Variants in TRHR observed in about 807,000 individuals in gnomAD.
The protein encoded by TRHR is thyrotropin-releasing hormone receptor.
A neutral mutation model predicts 28.0 loss-of-function variants in TRHR; 14 were observed. The observed-to-expected ratio is 0.50, with a 90% CI of 0.33 to 0.78. TRHR has a LOEUF of 0.78. Among genes scored for constraint, TRHR ranks in the 30% least tolerant of loss-of-function variants. The probability of loss-of-function intolerance (pLI) is 0.02; values close to 1 mark genes in which losing one functional copy is unlikely to be tolerated. For synonymous variants in TRHR, 176 were observed against 171.9 expected (o/e 1.02, Z -0.18); for missense variants, 438 against 469.5 (o/e 0.93, Z 0.62).
intron 2 of TRHR, among the ~76,000 whole-genome samples, chr8:109,106,004 G>T (rs760981854): frequency 1.2e-4 from 19 of 152,044 alleles, no homozygotes; most frequent in Non-Finnish European, 2.4e-4. Context: ...TTGCTGAAAA[G>T]ATAAATTATA....
chr8:109,091,353 AGTG>A (rs1234071819), intron 2 of TRHR, among the ~76,000 whole-genome samples: 1 of 152,246 alleles, frequency 6.6e-6, no homozygotes, highest in Non-Finnish European at 1.5e-5. Flanking sequence ...GAATGAGAAC[AGTG>A]AAGGGGAGCT....
intron 2 of TRHR, among the ~76,000 whole-genome samples, chr8:109,103,096 C>T (rs1456953701): frequency 2.0e-5 from 3 of 152,234 alleles, no homozygotes; most frequent in Middle Eastern, 6.8e-3. Context: ...CAAAAAATTC[C>T]GTCTGAAGCC....
intron 2 of TRHR, among the ~76,000 whole-genome samples, chr8:109,113,788 A>T (rs1420935479): frequency 6.6e-6 from 1 of 152,178 alleles, no homozygotes; most frequent in East Asian, 1.9e-4. Context: ...GTTAGCTAAT[A>T]GTTTTGGAAC....
At chr8:109,102,929 T>A (rs1013499416) in intron 2 of TRHR, among the ~76,000 whole-genome samples, 4 of 152,168 alleles carry the variant, frequency 2.6e-5, no homozygotes. Context: ...TCCTCAAGGT[T>A]GTTTCCTTTG....
At chr8:109,096,789 G>GTA (rs1387826758) in intron 2 of TRHR, among the ~76,000 whole-genome samples, 20 of 151,602 alleles carry the variant, frequency 1.3e-4, no homozygotes, top group Non-Finnish European at 2.4e-4. Context: ...AAATATATGT[G>GTA]TATATATATA....
At chr8:109,116,704 A>C (rs1000915485) in intron 2 of TRHR, among the ~76,000 whole-genome samples, 3 of 151,062 alleles carry the variant, frequency 2.0e-5, no homozygotes. Context: ...TTCTTCTTAG[A>C]CCTATGGTTA....
chr8:109,116,576 T>A lies in TRHR; in HGVS notation c.790-2472T>A, dbSNP rs57040703. 5.3e-5 allele frequency among the ~76,000 whole-genome samples: 8 copies of A among 152,266 alleles called. No homozygotes were observed. The East Asian group carries it at 1.4e-3, about 26-fold the overall frequency. On this transcript the variant is annotated intron_variant, in intron 2 of 2. Transcript: ENST00000518632. ...ATTTATCCATTTCTTCTAGATTTTCTAGTTTATTTGTGTAGAGGTGTTTAT... is the reference window on the plus strand; with the variant it reads ...ATTTATCCATTTCTTCTAGATTTTCAAGTTTATTTGTGTAGAGGTGTTTAT...
In TRHR at chr8:109,088,081, C is replaced by T; in HGVS notation, c.569C>T (p.Pro190Leu). The change falls in exon 2 of 3, where the codon CCT (proline) becomes CTT (leucine). Residue 190 changes from proline to leucine, a missense_variant. Physicochemically the swap from Pro to Leu is moderately conservative, Grantham distance 98. Transcript: ENST00000518632. ...AAGATCTCCAGGAATTACTACTCAC[C>T]TATTTACCTAATGGACTTTGGTGTC... is the stretch of plus-strand genomic sequence containing the variant. ...GYKISRNYYS[P>L]IYLMDFGVFY... 5 of 1,614,162 alleles carry T rather than the reference C, an allele frequency of 3.1e-6. No homozygotes were observed. The South Asian group carries it at 5.5e-5, about 18-fold the overall frequency.
chr8:109,087,227 C>G (rs1811445938), intron 1 of TRHR, among the ~76,000 whole-genome samples, 198 bp from the exon 2 acceptor site: 1 of 151,288 alleles, frequency 6.6e-6, no homozygotes, highest in African/African-American at 2.4e-5. Context: ...GAACTGGTCC[C>G]TCTTAATGTG....
intron 2 of TRHR, among the ~76,000 whole-genome samples, chr8:109,091,334 G>T (rs140359598): frequency 1.3e-5 from 2 of 152,282 alleles, no homozygotes; most frequent in East Asian, 3.9e-4. Flanking sequence ...GTGGTGCCCC[G>T]ATCAGTGGGA....
intron 2 of TRHR, among the ~76,000 whole-genome samples, chr8:109,111,846 A>G (rs1044516438): frequency 6.6e-6 from 1 of 152,210 alleles, no homozygotes; most frequent in Non-Finnish European, 1.5e-5. Flanking sequence ...GTGGGATCCA[A>G]AATTGATAAA....
At position 109,119,685 on chromosome 8, in the gene TRHR, A is replaced by T; in HGVS notation, c.*230A>T. 2.0e-6 allele frequency: 1 copy of T among 504,382 alleles called. No homozygotes were observed. Among genetic ancestry groups the T allele is most frequent in the Non-Finnish European group, 3.5e-6 (1 of 286,438 alleles). 31.2% of individuals were successfully genotyped at this position (504,382 alleles called of 1,614,324 possible). Reference sequence around the variant, plus strand: ...AGCAGATCTGTGAAATAGCTAAATGATGGAAACTTAAAGTTTAGCCCTTTT... The same window carrying T: ...AGCAGATCTGTGAAATAGCTAAATGTTGGAAACTTAAAGTTTAGCCCTTTT... On this transcript the variant is annotated 3_prime_UTR_variant, in exon 3 of 3. Transcript: ENST00000518632.
intron 2 of TRHR, among the ~76,000 whole-genome samples, chr8:109,111,044 T>C (rs1299935209): frequency 1.3e-5 from 2 of 151,922 alleles, no homozygotes; most frequent in South Asian, 2.1e-4. Context: ...TCCCAGCTAC[T>C]TGGGAGTTGA....
At chr8:109,100,018 C>T (rs1475966866) in intron 2 of TRHR, among the ~76,000 whole-genome samples, 1 of 152,124 alleles carries the variant, frequency 6.6e-6, no homozygotes, top group East Asian at 1.9e-4. Flanking sequence ...GAATGCAGAG[C>T]ACCCCATGAA....
chr8:109,111,817 G>T (rs924760428), intron 2 of TRHR, among the ~76,000 whole-genome samples: 1 of 152,118 alleles, frequency 6.6e-6, no homozygotes, highest in Non-Finnish European at 1.5e-5. Context: ...GCCAAAAAAG[G>T]GTTTTGGCAT....
chr8:109,103,718 C>T (rs1421902361), intron 2 of TRHR, among the ~76,000 whole-genome samples: 1 of 152,160 alleles, frequency 6.6e-6, no homozygotes. Flanking sequence ...GGAAAACTGC[C>T]TGATCATGGC....
intron 2 of TRHR, among the ~76,000 whole-genome samples, chr8:109,110,469 C>T (rs1254330846): frequency 2.0e-5 from 3 of 151,906 alleles, no homozygotes; most frequent in Non-Finnish European, 4.4e-5. Flanking sequence ...CAGATACAAC[C>T]AAAGTTTCTC....
At chr8:109,088,960 A>G (rs11995096) in intron 2 of TRHR, among the ~76,000 whole-genome samples, 20,728 of 152,152 alleles carry the variant, frequency 0.14, 1,640 homozygotes, top group African/African-American at 0.21. Flanking sequence ...TTCATAAAGA[A>G]TGATTGAAAT....
chr8:109,114,540 T>C (rs189398756), intron 2 of TRHR, among the ~76,000 whole-genome samples: 2 of 152,216 alleles, frequency 1.3e-5, no homozygotes, highest in East Asian at 3.9e-4. Flanking sequence ...AATGACTTTG[T>C]AGTGGTTTCC....
Sources: gnomAD v4.1 joint callset for allele counts (sites outside exome capture counted in the v4.1 genomes callset) on GRCh38, gnomAD v4.1.1 for gene constraint, MANE v1.5 for transcripts, NCBI Gene and HGNC (gene_info 2026-07-23, HGNC 2026-07-21) for gene names.